L3MBTL4: variants seen among roughly 807,000 people sequenced by gnomAD.
The protein encoded by L3MBTL4 is L3MBTL histone methyl-lysine binding protein 4.
Under a neutral mutation model 84.5 loss-of-function variants are expected in L3MBTL4, and 70 were observed. That is an observed-to-expected ratio of 0.83 (90% CI 0.68 to 1.01). The LOEUF is 1.01. L3MBTL4 is among the 50% of genes least tolerant of loss of function. The pLI, the probability that L3MBTL4 is intolerant of heterozygous loss-of-function variation, is 0.00. For missense variants in L3MBTL4, 715 were observed against 754.8 expected, an observed-to-expected ratio of 0.95 and a Z score of 0.62; for synonymous variants, 274 against 259.8, an observed-to-expected ratio of 1.05 and a Z score of -0.52.
intron 13 of L3MBTL4, among the ~76,000 whole-genome samples, chr18:6,154,028 T>G (rs2042998674): frequency 6.6e-6 from 1 of 152,194 alleles, no homozygotes; most frequent in Admixed American, 6.5e-5. Flanking sequence ...ACTTGTTCCT[T>G]TCTAATGTGA....
At chr18:6,040,131 C>T (rs1011946823) in intron 16 of L3MBTL4, among the ~76,000 whole-genome samples, 2 of 152,140 alleles carry the variant, frequency 1.3e-5, no homozygotes, top group Non-Finnish European at 2.9e-5. Context: ...TCTTACTTCT[C>T]AGAAATATAC....
chr18:6,361,937 G>T (rs1279162403), intron 1 of L3MBTL4, among the ~76,000 whole-genome samples: 4 of 151,792 alleles, frequency 2.6e-5, no homozygotes, highest in African/African-American at 9.7e-5. Context: ...GAAACATAGT[G>T]AGACCCCCAT....
At chr18:6,165,386 CA>C (rs2043593686) in intron 13 of L3MBTL4, among the ~76,000 whole-genome samples, 1 of 152,100 alleles carries the variant, frequency 6.6e-6, no homozygotes, top group South Asian at 2.1e-4. Flanking sequence ...TTGTCAGATT[CA>C]CCAAAGTTGA....
At chr18:6,338,571 A>G (rs2143419289) in intron 1 of L3MBTL4, among the ~76,000 whole-genome samples, 1 of 152,146 alleles carries the variant, frequency 6.6e-6, no homozygotes, top group African/African-American at 2.4e-5. Context: ...GCCAGTAAAA[A>G]AATAGATAAA....
chr18:6,258,840 G>C (rs1029299889), intron 5 of L3MBTL4: 6 of 152,430 alleles, frequency 3.9e-5, no homozygotes, highest in African/African-American at 1.4e-4. Context: ...AGGGGAGAGA[G>C]CAGAGGGAGG....
At chr18:6,362,255 A>G (rs1015779731) in intron 1 of L3MBTL4, among the ~76,000 whole-genome samples, 5 of 150,798 alleles carry the variant, frequency 3.3e-5, no homozygotes, top group African/African-American at 1.2e-4. Context: ...GGAAAGGGAA[A>G]GGAAAGGAAA....
intron 1 of L3MBTL4, chr18:6,356,764 T>C (rs2053465562): frequency 6.6e-6 from 1 of 152,236 alleles, no homozygotes; most frequent in Non-Finnish European, 1.5e-5. Context: ...GGCTGGGACG[T>C]TGCCGTACAC....
chr18:6,162,475 A>C (rs2043389002), intron 13 of L3MBTL4, among the ~76,000 whole-genome samples: 1 of 152,256 alleles, frequency 6.6e-6, no homozygotes, highest in African/African-American at 2.4e-5. Context: ...AGCTGACTTT[A>C]TTCATATATG....
At chr18:5,962,955 TG>T (rs1224321972) in intron 17 of L3MBTL4, among the ~76,000 whole-genome samples, 10 of 152,198 alleles carry the variant, frequency 6.6e-5, no homozygotes, top group African/African-American at 2.4e-5. Context: ...CCTTCTGAGT[TG>T]TAACAACCAA....
At chr18:6,051,691 C>A (rs941041300) in intron 16 of L3MBTL4, among the ~76,000 whole-genome samples, 1 of 152,028 alleles carries the variant, frequency 6.6e-6, no homozygotes, top group Non-Finnish European at 1.5e-5. Context: ...TGACTGTGGC[C>A]CTGGGTGGAG....
intron 16 of L3MBTL4, among the ~76,000 whole-genome samples, chr18:5,984,257 T>C (rs1215975955): frequency 6.6e-5 from 10 of 152,224 alleles, no homozygotes; most frequent in Admixed American, 6.5e-4. Context: ...TAAGACATAC[T>C]GGTGTTAATT....
At chr18:6,055,845 T>C (rs1317268161) in intron 16 of L3MBTL4, among the ~76,000 whole-genome samples, 2 of 152,168 alleles carry the variant, frequency 1.3e-5, no homozygotes, top group Admixed American at 1.3e-4. Context: ...CTTCATGATA[T>C]GTATGTGAAT....
At chr18:6,344,703 C>T (rs2052787161) in intron 1 of L3MBTL4, among the ~76,000 whole-genome samples, 1 of 152,108 alleles carries the variant, frequency 6.6e-6, no homozygotes, top group Admixed American at 6.5e-5. Flanking sequence ...TGGGACTTAT[C>T]CCTGGTATGC....
intron 11 of L3MBTL4, among the ~76,000 whole-genome samples, chr18:6,214,766 G>T (rs1301831900): frequency 6.6e-6 from 1 of 152,108 alleles, no homozygotes; most frequent in Admixed American, 6.6e-5. Context: ...TATTGTACAC[G>T]CCTAAGGTAC....
intron 5 of L3MBTL4, among the ~76,000 whole-genome samples, chr18:6,248,997 C>T (rs1172743705): frequency 6.6e-6 from 1 of 152,094 alleles, no homozygotes; most frequent in Non-Finnish European, 1.5e-5. Flanking sequence ...AATGAAATGG[C>T]AAGAATGAAT....
intron 16 of L3MBTL4, among the ~76,000 whole-genome samples, chr18:6,019,950 C>T (rs1044708046): frequency 1.3e-5 from 2 of 152,156 alleles, no homozygotes; most frequent in African/African-American, 4.8e-5. Context: ...TCCATCTCTG[C>T]GTTCCCAGGG....
At chr18:6,292,911 C>T (rs1458471998) in intron 4 of L3MBTL4, among the ~76,000 whole-genome samples, 1 of 135,474 alleles carries the variant, frequency 7.4e-6, no homozygotes, top group Non-Finnish European at 1.6e-5. Context: ...CCATCACTCA[C>T]CAATCAGGGC....
intron 12 of L3MBTL4, among the ~76,000 whole-genome samples, chr18:6,205,217 G>T (rs1194467412): frequency 6.6e-6 from 1 of 152,146 alleles, no homozygotes; most frequent in East Asian, 1.9e-4. Context: ...GTGCTACGCT[G>T]CTGGCTTTGA....
chr18:6,244,777 G>A (rs1463805249), intron 5 of L3MBTL4, among the ~76,000 whole-genome samples, 189 bp from the exon 6 acceptor site: 1 of 152,180 alleles, frequency 6.6e-6, no homozygotes, highest in South Asian at 2.1e-4. Flanking sequence ...TAAAGTGGCA[G>A]TTAGAAAGGA....
Sources: allele counts gnomAD v4.1 joint callset (sites outside exome capture counted in the v4.1 genomes callset), GRCh38; gene constraint gnomAD v4.1.1; transcripts MANE v1.5; gene names NCBI Gene and HGNC (gene_info 2026-07-23, HGNC 2026-07-21).